The following ANKS1B variants were observed in gnomAD, a reference collection of about 807,000 sequenced individuals.
ANKS1B encodes ankyrin repeat and sterile alpha motif domain containing 1B, also known as ankyrin repeat and sterile alpha motif domain-containing protein 1B.
ANKS1B carries 36 observed loss-of-function variants against 148.3 expected under a neutral mutation model. The ratio of observed to expected loss-of-function variants is 0.24; its 90% CI spans 0.19 to 0.32. The LOEUF (loss-of-function observed/expected upper bound fraction) is 0.32, where lower values mean the gene tolerates loss of function less well. ANKS1B is among the 10% of genes least tolerant of loss of function. The pLI is 1.00. For missense variants in ANKS1B, 1,157 were observed against 1,542.6 expected, an observed-to-expected ratio of 0.75 and a Z score of 4.19; for synonymous variants, 542 against 560.8, an observed-to-expected ratio of 0.97 and a Z score of 0.47.
intron 17 of ANKS1B, among the ~76,000 whole-genome samples, chr12:98,868,970 GA>G (rs947491396): frequency 1.2e-4 from 18 of 152,150 alleles, no homozygotes; most frequent in African/African-American, 4.1e-4. Flanking sequence ...CTGTTTTGTA[GA>G]AAAAAACCAC....
chr12:98,894,954 CGCCCGGCTCCACGCGGCGCGCGCCT>C, intron 17 of ANKS1B: 1 of 862,580 alleles, frequency 1.2e-6, no homozygotes, highest in African/African-American at 1.8e-5. Flanking sequence ...CCCTCGCACC[CGCCCGGCTCCACGCGGCGCGCGCCT>C]GCCCTGGCGG....
chr12:99,826,052 CTT>C (rs1173815295), intron 1 of ANKS1B, among the ~76,000 whole-genome samples: 1 of 151,914 alleles, frequency 6.6e-6, no homozygotes, highest in African/African-American at 2.4e-5. Flanking sequence ...TAAGGAAACT[CTT>C]TTTAACTTTT....
intron 17 of ANKS1B, among the ~76,000 whole-genome samples, chr12:98,945,845 C>CATCGG (rs2099844675): frequency 6.6e-6 from 1 of 152,202 alleles, no homozygotes; most frequent in Non-Finnish European, 1.5e-5. Context: ...AGCACTTCAC[C>CATCGG]ATCGGCAAAA....
Position 98,782,157 on chromosome 12 carries a change from A to T in ANKS1B, c.3343-20T>A, listed in dbSNP as rs751885356. 31 of 1,594,560 alleles carry T rather than the reference A, an allele frequency of 1.9e-5. No individual in the cohort carries two copies. Among genetic ancestry groups the T allele is most frequent in the Non-Finnish European group, 1.4e-5 (16 of 1,168,872 alleles). ...GTTAGCCTGGTGGATTTTCCAGTTA[A>T]GACAGATGGGAACATAATAGGAGAG... On this transcript the variant is annotated intron_variant, in intron 22 of 26. Coordinates refer to ENST00000683438, the MANE Select transcript of ANKS1B (RefSeq NM_001352186.2).
chr12:99,213,635 T>G (rs2083687354), intron 14 of ANKS1B, among the ~76,000 whole-genome samples: 1 of 152,316 alleles, frequency 6.6e-6, no homozygotes, highest in Non-Finnish European at 1.5e-5. Context: ...GCTGAACTAT[T>G]TGCAAGTGCC....
rs372160128 is a variant in ANKS1B, at chr12:99,023,723, T to C, written c.2778+29434A>G. ...CTCTATGTGGAATTCTTATGAGACA[T>C]AGATTAAACATTACTTCTATGTCTC... On this transcript the variant is annotated intron_variant, in intron 17 of 26. Coordinates refer to ENST00000683438, the MANE Select transcript of ANKS1B (RefSeq NM_001352186.2). 1.6e-3 allele frequency among the ~76,000 whole-genome samples: 240 copies of C among 151,846 alleles called. 6 individuals carry two copies. In the South Asian group the frequency reaches 0.045, roughly 28 times the overall value.
chr12:99,334,895 T>G (rs986613463), intron 12 of ANKS1B, among the ~76,000 whole-genome samples: 1 of 152,090 alleles, frequency 6.6e-6, no homozygotes, highest in Non-Finnish European at 1.5e-5. Flanking sequence ...TCTTTCCTTC[T>G]CTTACAGCTA....
At chr12:99,791,091 T>C (rs948162251) in intron 4 of ANKS1B, among the ~76,000 whole-genome samples, 4 of 151,960 alleles carry the variant, frequency 2.6e-5, no homozygotes, top group African/African-American at 7.2e-5. Flanking sequence ...AAGTATTCCA[T>C]GTCAACAGAA....
chr12:99,019,069 C>T (rs1345032356), intron 17 of ANKS1B, among the ~76,000 whole-genome samples: 2 of 152,154 alleles, frequency 1.3e-5, no homozygotes, highest in Non-Finnish European at 2.9e-5. Flanking sequence ...TCACCTGTGC[C>T]TGTTTTGTCA....
chr12:99,612,749 A>G (rs1194584028), intron 9 of ANKS1B, among the ~76,000 whole-genome samples: 1 of 152,138 alleles, frequency 6.6e-6, no homozygotes, highest in Non-Finnish European at 1.5e-5. Flanking sequence ...TATAATAAAA[A>G]CCAGCTGTGT....
chr12:99,407,709 T>C (rs1453882898), intron 11 of ANKS1B, among the ~76,000 whole-genome samples: 1 of 145,600 alleles, frequency 6.9e-6, no homozygotes, highest in African/African-American at 2.6e-5. Context: ...ATGCCAACAG[T>C]GAATAATCAG....
At chr12:98,889,727 C>G (rs2099748221) in intron 17 of ANKS1B, among the ~76,000 whole-genome samples, 1 of 152,164 alleles carries the variant, frequency 6.6e-6, no homozygotes, top group African/African-American at 2.4e-5. Context: ...CTTTTGGCTC[C>G]TTTGATAACA....
At chr12:99,667,842 TATATTAATTG>T (rs2098517098) in intron 8 of ANKS1B, among the ~76,000 whole-genome samples, 1 of 152,220 alleles carries the variant, frequency 6.6e-6, no homozygotes. Context: ...TGTGGTAAAA[TATATTAATTG>T]ATTTTATCTG....
intron 17 of ANKS1B, chr12:98,894,497 G>C: frequency 1.1e-6 from 1 of 880,868 alleles, no homozygotes; most frequent in Non-Finnish European, 1.4e-6. Flanking sequence ...CCCCGGCAAA[G>C]CGTCTCCGCA....
At chr12:98,997,511 C>T (rs553251050) in intron 17 of ANKS1B, among the ~76,000 whole-genome samples, 1 of 151,436 alleles carries the variant, frequency 6.6e-6, no homozygotes, top group East Asian at 1.9e-4. Flanking sequence ...AAGCGGTTCT[C>T]CTGCCTCAGC....
chr12:99,885,820 G>A (rs1188705218), intron 1 of ANKS1B, among the ~76,000 whole-genome samples: 1 of 152,040 alleles, frequency 6.6e-6, no homozygotes, highest in Admixed American at 6.6e-5. Context: ...CACGCCCATA[G>A]CTTAGCTCCC....
At chr12:99,606,240 C>T (rs937115499) in intron 9 of ANKS1B, among the ~76,000 whole-genome samples, 1 of 151,674 alleles carries the variant, frequency 6.6e-6, no homozygotes, top group African/African-American at 2.4e-5. Context: ...ATTATTAACC[C>T]CTTGTCAGAT....
intron 1 of ANKS1B, among the ~76,000 whole-genome samples, chr12:99,843,535 G>A (rs746373284): frequency 1.3e-5 from 2 of 152,106 alleles, no homozygotes; most frequent in Non-Finnish European, 2.9e-5. Flanking sequence ...GCATTAGTTT[G>A]CTGAGGATAA....
At chr12:99,368,547 TATA>T (rs763519885) in intron 12 of ANKS1B, among the ~76,000 whole-genome samples, 37 of 152,192 alleles carry the variant, frequency 2.4e-4, no homozygotes, top group Non-Finnish European at 2.8e-4. Flanking sequence ...GTTAGAAACT[TATA>T]ATATTAAAAT....
Sources: gnomAD v4.1 joint callset for allele counts (sites outside exome capture counted in the v4.1 genomes callset) on GRCh38, gnomAD v4.1.1 for gene constraint, MANE v1.5 for transcripts, NCBI Gene and HGNC (gene_info 2026-07-23, HGNC 2026-07-21) for gene names.